PDE7B: variants seen among roughly 807,000 people sequenced by gnomAD.
PDE7B encodes phosphodiesterase 7B.
Under a neutral mutation model 56.2 loss-of-function variants are expected in PDE7B, and 29 were observed. That is an observed-to-expected ratio of 0.52 (90% CI 0.38 to 0.70). The LOEUF is 0.70. Among genes scored for constraint, PDE7B ranks in the 30% least tolerant of loss-of-function variants. PDE7B has a pLI of 0.00. For missense variants in PDE7B, 490 were observed against 565.0 expected, an observed-to-expected ratio of 0.87 and a Z score of 1.35; for synonymous variants, 197 against 196.9, an observed-to-expected ratio of 1.00 and a Z score of 0.00.
At chr6:136,165,970 C>G (rs1778786192) in intron 8 of PDE7B, among the ~76,000 whole-genome samples, 1 of 152,124 alleles carries the variant, frequency 6.6e-6, no homozygotes, top group Non-Finnish European at 1.5e-5. Context: ...TAATCTTAAA[C>G]CTAAGGCCAT....
chr6:136,173,702 A>T, intron 8 of PDE7B, 95 bp from the exon 9 acceptor site: 1 of 826,016 alleles, frequency 1.2e-6, no homozygotes, highest in Non-Finnish European at 2.0e-6. Flanking sequence ...TACAAACTGG[A>T]GGGAAAATGC....
At position 136,194,599 on chromosome 6, in the gene PDE7B, A is replaced by G. The variant is rs1203295530; in HGVS notation, c.*2759A>G. ...ATATTTCAATAGGAGTCCAATTACT[A>G]GTTAAAACACTGGCGGGGTGCGGTG... On this transcript the variant is annotated 3_prime_UTR_variant, in exon 13 of 13. Transcript: ENST00000308191. 1 of 152,226 alleles carries G rather than the reference A, an allele frequency of 6.6e-6. No individual in the cohort carries two copies. Among genetic ancestry groups the G allele is most frequent in the Non-Finnish European group, 1.5e-5 (1 of 68,042 alleles). The allele number at this position is 152,226 out of a possible 1,614,324, so 9.4% of individuals were successfully genotyped here.
chr6:135,901,724 G>A (rs112898152), intron 1 of PDE7B, among the ~76,000 whole-genome samples: 8 of 152,112 alleles, frequency 5.3e-5, no homozygotes, highest in South Asian at 2.1e-4. Flanking sequence ...CAATTCCAGC[G>A]CACTATGCTT....
chr6:136,101,708 C>A (rs898174538), intron 2 of PDE7B, among the ~76,000 whole-genome samples: 2 of 152,156 alleles, frequency 1.3e-5, no homozygotes, highest in Admixed American at 1.3e-4. Flanking sequence ...TTTGCTGACT[C>A]CCATACCTAA....
At chr6:135,926,126 G>A (rs368908126) in intron 1 of PDE7B, among the ~76,000 whole-genome samples, 21 of 117,246 alleles carry the variant, frequency 1.8e-4, no homozygotes, top group South Asian at 9.5e-4. Flanking sequence ...TCACTCTGTC[G>A]CCCAGGCTGC....
rs550126116 is a variant in PDE7B at position 136,183,321 on chromosome 6, T to C, written c.1045+1998T>C. On this transcript the variant is annotated intron_variant, in intron 11 of 12. Coordinates refer to ENST00000308191, the MANE Select transcript of PDE7B (RefSeq NM_018945.4). ...TTAAGAGAAGATTATAGGCTGGGCA[T>C]GGTGGCTCACGCCTGTAATCCCAAG... 3.3e-3 allele frequency among the ~76,000 whole-genome samples: 499 copies of C among 151,942 alleles called. 2 individuals are homozygous for C. The highest frequency in any genetic ancestry group is 0.015 in the South Asian group (72 of 4,800).
chr6:136,189,499 G>T (rs1382549739), intron 12 of PDE7B, among the ~76,000 whole-genome samples: 4 of 152,116 alleles, frequency 2.6e-5, no homozygotes, highest in African/African-American at 9.7e-5. Flanking sequence ...TGAGCCCAAG[G>T]GGTCAAGGCT....
intron 2 of PDE7B, among the ~76,000 whole-genome samples, chr6:136,011,882 G>T (rs1450445432): frequency 2.0e-5 from 3 of 152,060 alleles, no homozygotes; most frequent in African/African-American, 7.2e-5. Context: ...TTGGGGACTT[G>T]GAGTTCTTGG....
At chr6:136,049,871 C>G (rs776351756) in intron 2 of PDE7B, among the ~76,000 whole-genome samples, 9 of 152,088 alleles carry the variant, frequency 5.9e-5, no homozygotes, top group Non-Finnish European at 7.4e-5. Flanking sequence ...TTAAATGGAA[C>G]AGTAAAGGGT....
chr6:136,182,934 G>A (rs570896016), intron 11 of PDE7B, among the ~76,000 whole-genome samples: 42 of 152,000 alleles, frequency 2.8e-4, no homozygotes, highest in South Asian at 2.1e-3. Flanking sequence ...TCAGCCGGGC[G>A]TGGCGGCACA....
chr6:135,975,808 G>A (rs1775176824), intron 2 of PDE7B, among the ~76,000 whole-genome samples: 1 of 48,582 alleles, frequency 2.1e-5, no homozygotes, highest in South Asian at 4.5e-4. Context: ...GGATACCTTA[G>A]GTGCCAAATT....
chr6:136,164,297 C>T (rs575660414), intron 8 of PDE7B, among the ~76,000 whole-genome samples: 29 of 152,044 alleles, frequency 1.9e-4, no homozygotes, highest in Admixed American at 7.2e-4. Context: ...CTCATGAGAA[C>T]TCACTCACTA....
At chr6:136,171,840 A>G (rs1583923080) in intron 8 of PDE7B, among the ~76,000 whole-genome samples, 1 of 130,368 alleles carries the variant, frequency 7.7e-6, no homozygotes, top group African/African-American at 3.0e-5. Flanking sequence ...TCCTGTGTCC[A>G]TGTGTTCTCA....
intron 1 of PDE7B, among the ~76,000 whole-genome samples, chr6:135,900,534 T>TAC (rs949449198): frequency 1.3e-5 from 2 of 152,170 alleles, no homozygotes; most frequent in African/African-American, 4.8e-5. Context: ...CTTTCAATTC[T>TAC]ACCCTATTTT....
intron 2 of PDE7B, among the ~76,000 whole-genome samples, chr6:136,090,238 C>A (rs539455391): frequency 6.6e-6 from 1 of 152,148 alleles, no homozygotes; most frequent in African/African-American, 2.4e-5. Flanking sequence ...TGGAGCATCA[C>A]GATCTGGGGA....
intron 1 of PDE7B, among the ~76,000 whole-genome samples, chr6:135,925,785 A>T (rs1049088282): frequency 6.6e-6 from 1 of 152,152 alleles, no homozygotes; most frequent in African/African-American, 2.4e-5. Flanking sequence ...TTTCAAAAAT[A>T]GTGTTTCTGA....
At chr6:136,059,202 G>A (rs1157235710) in intron 2 of PDE7B, among the ~76,000 whole-genome samples, 1 of 152,076 alleles carries the variant, frequency 6.6e-6, no homozygotes, top group Non-Finnish European at 1.5e-5. Context: ...ATGACCTTGA[G>A]CAATAGGATA....
chr6:136,099,950 A>G (rs1189158010), intron 2 of PDE7B, among the ~76,000 whole-genome samples: 2 of 152,178 alleles, frequency 1.3e-5, no homozygotes, highest in Non-Finnish European at 2.9e-5. Context: ...TAATTTTTGT[A>G]TAAGGTATAA....
At chr6:135,984,224 T>C (rs1775342054) in intron 2 of PDE7B, among the ~76,000 whole-genome samples, 1 of 152,208 alleles carries the variant, frequency 6.6e-6, no homozygotes, top group South Asian at 2.1e-4. Flanking sequence ...TATTGGAGTC[T>C]CTGCCTAAGA....
Sources: gnomAD v4.1 joint callset for allele counts (sites outside exome capture counted in the v4.1 genomes callset) on GRCh38, gnomAD v4.1.1 for gene constraint, MANE v1.5 for transcripts, NCBI Gene and HGNC (gene_info 2026-07-23, HGNC 2026-07-21) for gene names.